TBX15: variants seen among roughly 807,000 people sequenced by gnomAD.
TBX15 encodes the protein T-box transcription factor TBX15.
A neutral mutation model predicts 53.9 loss-of-function variants in TBX15; 18 were observed. The ratio of observed to expected loss-of-function variants is 0.33; its 90% CI spans 0.23 to 0.49. TBX15 has a LOEUF of 0.49. Ranked by LOEUF, TBX15 falls within the 20% of genes least tolerant of loss-of-function variation. TBX15 has a pLI of 0.98. For missense variants in TBX15, 692 were observed against 749.5 expected, an observed-to-expected ratio of 0.92 and a Z score of 0.90; for synonymous variants, 295 against 278.0, an observed-to-expected ratio of 1.06 and a Z score of -0.61.
At chr1:118,923,681 A>G in intron 4 of TBX15, 78 bp from the exon 5 acceptor site, 1 of 1,542,366 alleles carries the variant, frequency 6.5e-7, no homozygotes, top group South Asian at 1.1e-5. Flanking sequence ...ATAAATCACT[A>G]AGTTGAAGCA....
intron 1 of TBX15, among the ~76,000 whole-genome samples, chr1:118,936,407 C>T (rs1288242323): frequency 1.3e-5 from 2 of 152,060 alleles, no homozygotes; most frequent in African/African-American, 4.8e-5. Context: ...AGGAATTATT[C>T]GTTACTGCAG....
At position 118,958,917 on chromosome 1, in the gene TBX15, T is replaced by C. The variant is rs73009516; in HGVS notation, c.206-27085A>G. ...AATGAGAAGGAAGATTGGTAAAAGA[T>C]GGGTAGAAGACCGTGCTTATTGTTC... On this transcript the variant is annotated intron_variant, in intron 1 of 7. Coordinates refer to ENST00000369429, the MANE Select transcript of TBX15 (RefSeq NM_001330677.2). 6.7e-3 allele frequency among the ~76,000 whole-genome samples: 1,017 copies of C among 152,156 alleles called. 15 individuals are homozygous for C. Among genetic ancestry groups the C allele is most frequent in the African/African-American group, 0.023 (966 of 41,480 alleles).
intron 7 of TBX15, among the ~76,000 whole-genome samples, chr1:118,897,303 G>C (rs1323166298): frequency 2.6e-5 from 4 of 152,132 alleles, no homozygotes; most frequent in Non-Finnish European, 5.9e-5. Context: ...GCCAGCAAGT[G>C]ATCCCATTCA....
chr1:118,901,901 A>G (rs997169904), intron 6 of TBX15, among the ~76,000 whole-genome samples: 1 of 152,180 alleles, frequency 6.6e-6, no homozygotes, highest in Admixed American at 6.6e-5. Flanking sequence ...CCACCTATGG[A>G]CACATATGTA....
At chr1:118,900,822 C>T (rs1413371399) in intron 6 of TBX15, among the ~76,000 whole-genome samples, 2 of 152,114 alleles carry the variant, frequency 1.3e-5, no homozygotes, top group Non-Finnish European at 2.9e-5. Context: ...ATAGGCCAGG[C>T]TTAGGTCTTA....
chr1:118,953,491 A>G (rs1346992954), intron 1 of TBX15, among the ~76,000 whole-genome samples: 1 of 152,208 alleles, frequency 6.6e-6, no homozygotes, highest in African/African-American at 2.4e-5. Flanking sequence ...AAAGGTAAGA[A>G]TGACACTCAA....
intron 1 of TBX15, among the ~76,000 whole-genome samples, chr1:118,961,302 ACCTAATAC>A (rs1433155216): frequency 6.6e-6 from 1 of 152,196 alleles, no homozygotes; most frequent in Non-Finnish European, 1.5e-5. Context: ...ACCTCCCAGC[ACCTAATAC>A]CATATTTGTT....
At chr1:118,943,406 A>G (rs1460062861) in intron 1 of TBX15, among the ~76,000 whole-genome samples, 1 of 152,220 alleles carries the variant, frequency 6.6e-6, no homozygotes, top group Non-Finnish European at 1.5e-5. Flanking sequence ...GGAAAAGCAG[A>G]AGAAACAACG....
At chr1:118,908,910 C>CA (rs1654932039) in intron 6 of TBX15, among the ~76,000 whole-genome samples, 1 of 140,094 alleles carries the variant, frequency 7.1e-6, no homozygotes, top group African/African-American at 2.6e-5. Context: ...CACATACGCA[C>CA]ACTCAACATT....
At chr1:118,887,994 T>A (rs1654009850) in intron 7 of TBX15, among the ~76,000 whole-genome samples, 1 of 152,216 alleles carries the variant, frequency 6.6e-6, no homozygotes, top group African/African-American at 2.4e-5. Context: ...AAGAATTGTA[T>A]TTAGATATAA....
intron 1 of TBX15, among the ~76,000 whole-genome samples, chr1:118,935,310 G>A (rs930753209): frequency 6.6e-6 from 1 of 152,208 alleles, no homozygotes; most frequent in East Asian, 1.9e-4. Flanking sequence ...AATCAAATCA[G>A]ATCATCCATT....
intron 1 of TBX15, among the ~76,000 whole-genome samples, chr1:118,947,587 A>G (rs568331343): frequency 3.9e-5 from 6 of 152,354 alleles, no homozygotes; most frequent in Non-Finnish European, 5.9e-5. Flanking sequence ...ATGAGGCACC[A>G]GCAAAATAAA....
At chr1:118,909,479 G>C (rs1436304200) in intron 6 of TBX15, among the ~76,000 whole-genome samples, 2 of 152,204 alleles carry the variant, frequency 1.3e-5, no homozygotes, top group Non-Finnish European at 2.9e-5. Context: ...CAGTCATTCT[G>C]GTTCCCATTG....
intron 7 of TBX15, among the ~76,000 whole-genome samples, chr1:118,898,608 A>G (rs74647968): frequency 0.011 from 1,643 of 152,230 alleles, 29 homozygotes; most frequent in African/African-American, 0.038. Flanking sequence ...ACCTGATACA[A>G]TTTATTCCCA....
At chr1:118,921,537 C>A (rs1413399149) in intron 5 of TBX15, among the ~76,000 whole-genome samples, 1 of 152,146 alleles carries the variant, frequency 6.6e-6, no homozygotes, top group Non-Finnish European at 1.5e-5. Flanking sequence ...GAAACTGAAG[C>A]ACTGAAGCAC....
At chr1:118,893,067 C>T (rs1358490946) in intron 7 of TBX15, among the ~76,000 whole-genome samples, 3 of 151,582 alleles carry the variant, frequency 2.0e-5, no homozygotes, top group Non-Finnish European at 2.9e-5. Flanking sequence ...GGTGAAACCA[C>T]GTCTCTACAA....
chr1:118,886,646 T>C (rs1481805413), intron 7 of TBX15, among the ~76,000 whole-genome samples: 8 of 152,208 alleles, frequency 5.3e-5, no homozygotes, highest in Non-Finnish European at 7.3e-5. Flanking sequence ...AAATTCCTCA[T>C]TTCTAAGTAC....
chr1:118,956,950 G>A (rs1435635061), intron 1 of TBX15, among the ~76,000 whole-genome samples: 1 of 125,902 alleles, frequency 7.9e-6, no homozygotes, highest in African/African-American at 2.9e-5. Flanking sequence ...GCAACAGAGC[G>A]AGACTCCATC....
intron 1 of TBX15, among the ~76,000 whole-genome samples, chr1:118,969,145 A>C (rs1473871448): frequency 6.6e-6 from 1 of 152,214 alleles, no homozygotes; most frequent in African/African-American, 2.4e-5. Flanking sequence ...AAATGGACTC[A>C]TTCCCTGTAC....
Sources: gnomAD v4.1 joint callset for allele counts (sites outside exome capture counted in the v4.1 genomes callset) on GRCh38, gnomAD v4.1.1 for gene constraint, MANE v1.5 for transcripts, NCBI Gene and HGNC (gene_info 2026-07-23, HGNC 2026-07-21) for gene names.